The following CYSLTR2 variants were observed in gnomAD, a reference collection of about 807,000 sequenced individuals.
The protein encoded by CYSLTR2 is G-protein coupled receptor GPCR21.
For missense variants in CYSLTR2, 398 were observed against 411.9 expected (o/e 0.97, Z 0.29); for synonymous variants, 179 against 160.8 (o/e 1.11, Z -0.86).
At chr13:48,674,534 A>G (rs1204698381) in intron 1 of CYSLTR2, among the ~76,000 whole-genome samples, 5 of 152,226 alleles carry the variant, frequency 3.3e-5, no homozygotes, top group African/African-American at 9.6e-5. Flanking sequence ...CCTGTTATCA[A>G]TGTTCTTAGA....
intron 1 of CYSLTR2, among the ~76,000 whole-genome samples, chr13:48,673,992 C>T (rs1047419119): frequency 2.0e-5 from 3 of 152,200 alleles, no homozygotes; most frequent in African/African-American, 4.8e-5. Context: ...GAGAGATCTG[C>T]GGTTAGTCTG....
chr13:48,701,707 T>C (rs139755269), intron 4 of CYSLTR2, among the ~76,000 whole-genome samples: 1,944 of 152,130 alleles, frequency 0.013, 46 homozygotes, highest in African/African-American at 0.044. Context: ...AAAACCACAA[T>C]GAGATACCAT....
chr13:48,683,595 T>C (rs1254691980), intron 1 of CYSLTR2, among the ~76,000 whole-genome samples: 1 of 152,118 alleles, frequency 6.6e-6, no homozygotes, highest in Non-Finnish European at 1.5e-5. Context: ...TTTTTTCTTA[T>C]AGGTTGGTTT....
At position 48,709,002 on chromosome 13, in the gene CYSLTR2, T is replaced by C. The variant is rs1954575416; in HGVS notation, c.*1144T>C. The C allele has an allele frequency of 6.0e-6, 1 of 167,104 alleles. No homozygotes were observed. Among genetic ancestry groups the C allele is most frequent in the Admixed American group, 6.5e-5 (1 of 15,292 alleles). The allele number at this position is 167,104 out of a possible 1,614,324, so 10.4% of individuals were successfully genotyped here. A position where few individuals can be genotyped will look rare whatever the true frequency, so the allele number is the denominator to read the frequency against. On this transcript the variant is annotated 3_prime_UTR_variant, in exon 5 of 5. Transcript: ENST00000682523. ...GCAGATTATGCCAGGCACTTTACAT[T>C]TGTTGATCCCATTTGACATTCACAC...
chr13:48,691,680 C>G (rs1057501950), intron 2 of CYSLTR2, among the ~76,000 whole-genome samples: 5 of 151,578 alleles, frequency 3.3e-5, no homozygotes, highest in African/African-American at 1.2e-4. Context: ...CTTCTCATGA[C>G]AAAAAAGAAA....
At position 48,710,709 on chromosome 13, in the gene CYSLTR2, G is replaced by A. The variant is rs564556043; in HGVS notation, c.*2851G>A. On this transcript the variant is annotated 3_prime_UTR_variant, in exon 5 of 5. Transcript: ENST00000682523. ...GCAAAAATTATTTATTACACCCCAC[G>A]GTGTGTGATAAACACTTAGTTAAGA... is the stretch of plus-strand genomic sequence containing the variant. The A allele has an allele frequency of 6.6e-5, 10 of 152,242 alleles. No homozygotes were observed. The highest frequency in any genetic ancestry group is 6.2e-4 in the South Asian group (3 of 4,828). 9.4% of individuals were successfully genotyped at this position (152,242 alleles called of 1,614,324 possible). A position where few individuals can be genotyped will look rare whatever the true frequency, so the allele number is the denominator to read the frequency against.
chr13:48,671,487 A>G (rs998679990), intron 1 of CYSLTR2, among the ~76,000 whole-genome samples: 4 of 152,142 alleles, frequency 2.6e-5, no homozygotes, highest in Non-Finnish European at 5.9e-5. Context: ...TTAGCATGAA[A>G]GGGTGTTGAA....
chr13:48,677,956 C>T (rs1409406977), intron 1 of CYSLTR2, among the ~76,000 whole-genome samples: 1 of 151,348 alleles, frequency 6.6e-6, no homozygotes, highest in African/African-American at 2.4e-5. Context: ...GCTGCAACCT[C>T]CGCCTTCAGG....
At chr13:48,702,374 G>A (rs1444330364) in intron 4 of CYSLTR2, among the ~76,000 whole-genome samples, 5 of 152,044 alleles carry the variant, frequency 3.3e-5, no homozygotes, top group African/African-American at 4.8e-5. Context: ...AAAACTGCAC[G>A]TTGTGCACAC....
intron 1 of CYSLTR2, among the ~76,000 whole-genome samples, chr13:48,664,775 C>T (rs1041862833): frequency 1.3e-5 from 2 of 151,558 alleles, no homozygotes; most frequent in Admixed American, 1.3e-4. Flanking sequence ...TTCAAAAAAC[C>T]AGCTGTTCAC....
chr13:48,700,470 C>T lies in CYSLTR2; in HGVS notation c.-2+3844C>T, dbSNP rs147418966. The stretch of plus-strand genomic sequence containing the variant: ...AAAGGCCTTCAACAAAATTCAACAA[C>T]CCTTCATGCTAAAAAGTGTCAATAA... On this transcript the variant is annotated intron_variant, in intron 4 of 4. Transcript: ENST00000682523. Among the ~76,000 whole-genome samples, 3 of 152,126 alleles carry T rather than the reference C, an allele frequency of 2.0e-5. No individual in the cohort carries two copies. The East Asian group carries it at 5.8e-4, about 29-fold the overall frequency.
At chr13:48,677,234 A>G (rs754185027) in intron 1 of CYSLTR2, among the ~76,000 whole-genome samples, 2 of 152,164 alleles carry the variant, frequency 1.3e-5, no homozygotes, top group Non-Finnish European at 2.9e-5. Context: ...GCAGGAATGA[A>G]TGATCTTAAT....
chr13:48,657,821 A>G (rs1485147534), intron 1 of CYSLTR2, among the ~76,000 whole-genome samples: 1 of 151,262 alleles, frequency 6.6e-6, no homozygotes. Flanking sequence ...TATTATTTTT[A>G]AAGTATTTTA....
At chr13:48,681,048 C>G (rs1953742185) in intron 1 of CYSLTR2, among the ~76,000 whole-genome samples, 1 of 151,852 alleles carries the variant, frequency 6.6e-6, no homozygotes, top group Non-Finnish European at 1.5e-5. Flanking sequence ...GAATAAGATG[C>G]TCTCAGTATC....
chr13:48,667,853 G>T (rs1412147011), intron 1 of CYSLTR2, among the ~76,000 whole-genome samples: 1 of 152,176 alleles, frequency 6.6e-6, no homozygotes, highest in Non-Finnish European at 1.5e-5. Flanking sequence ...ATTGCAGGGT[G>T]GGGTATTAAA....
intron 2 of CYSLTR2, among the ~76,000 whole-genome samples, chr13:48,692,183 T>A (rs181640693): frequency 1.4e-4 from 22 of 152,044 alleles, no homozygotes; most frequent in African/African-American, 3.4e-4. Flanking sequence ...TAGATGACAT[T>A]GTAAAAAAAT....
chr13:48,708,667 C>G lies in CYSLTR2; in HGVS notation c.*809C>G, dbSNP rs1242416973. The stretch of plus-strand genomic sequence containing the variant: ...CAGGTTAGTTGACCTTGCTGCAGTT[C>G]TCCTTCCCATTAATTCATTGGGATG... On this transcript the variant is annotated 3_prime_UTR_variant, in exon 5 of 5. Transcript: ENST00000682523. 1 of 167,026 alleles carries G rather than the reference C, an allele frequency of 6.0e-6. No individual in the cohort carries two copies. Among genetic ancestry groups the G allele is most frequent in the Admixed American group, 6.5e-5 (1 of 15,276 alleles). 10.3% of individuals were successfully genotyped at this position (167,026 alleles called of 1,614,324 possible).
rs1214143720 is a variant in CYSLTR2, at chr13:48,707,111, T to A, written c.294T>A (p.Tyr98Ter). The change falls in exon 5 of 5, where the codon TAT (tyrosine) becomes TAA (stop). Residue 98 changes from tyrosine to a stop codon, truncating the protein, a stop_gained. Transcript: ENST00000682523. LOFTEE classifies it low-confidence loss of function (END_TRUNC). Reference protein sequence around the residue: ...ISTLPFRADYYLRGSNWIFGD... With the variant: ...ISTLPFRADY ...CGCTTCCCTTCAGGGCTGACTATTA[T>A]CTTAGAGGCTCCAATTGGATATTTG... is the stretch of plus-strand genomic sequence containing the variant. 6.2e-7 allele frequency: 1 copy of A among 1,614,202 alleles called. No homozygotes were observed. Among genetic ancestry groups the A allele is most frequent in the South Asian group, 1.1e-5 (1 of 91,086 alleles).
chr13:48,657,518 G>C (rs1241223399), intron 1 of CYSLTR2, among the ~76,000 whole-genome samples: 1 of 151,502 alleles, frequency 6.6e-6, no homozygotes, highest in Non-Finnish European at 1.5e-5. Context: ...GGGGAGAGGA[G>C]GGAAAGAGAT....
Sources: allele counts gnomAD v4.1 joint callset (sites outside exome capture counted in the v4.1 genomes callset), GRCh38; gene constraint gnomAD v4.1.1; transcripts MANE v1.5; gene names NCBI Gene and HGNC (gene_info 2026-07-23, HGNC 2026-07-21).